The following DNAJB1 variants were observed in gnomAD, a reference collection of about 807,000 sequenced individuals.
DNAJB1 encodes the protein dnaJ homolog subfamily B member 1.
In DNAJB1, 14 loss-of-function variants were observed where a neutral mutation model predicts 24.0. That is an observed-to-expected ratio of 0.58 (90% confidence interval 0.39 to 0.91). DNAJB1 has a LOEUF of 0.91. Among genes scored for constraint, DNAJB1 ranks in the 40% least tolerant of loss-of-function variants. The pLI is 0.00. For missense variants in DNAJB1, 517 were observed against 458.1 expected, an observed-to-expected ratio of 1.13 and a Z score of -1.17; for synonymous variants, 262 against 174.4, an observed-to-expected ratio of 1.50 and a Z score of -3.96.
rs2072259659 is a variant in DNAJB1, at chr19:14,516,262, G to T, written c.793-92C>A. 4.9e-6 allele frequency: 7 copies of T among 1,440,492 alleles called. 1 individual carries two copies. The highest frequency in any genetic ancestry group is 4.5e-5 in the Admixed American group (2 of 44,192). 89.2% of individuals were successfully genotyped at this position (1,440,492 alleles called of 1,614,324 possible). A position where few individuals can be genotyped will look rare whatever the true frequency, so the allele number is the denominator to read the frequency against. On this transcript the variant is annotated intron_variant, in intron 2 of 2. Coordinates refer to ENST00000254322, the MANE Select transcript of DNAJB1 (RefSeq NM_006145.3). ...CGTCTGCCATAGATAAGACCCATCA[G>T]GCCTCTGCAGCTAAGACCTGGCCCC...
chr19:14,518,527 A>C, upstream of DNAJB1: 5 of 437,252 alleles, frequency 1.1e-5, no homozygotes, highest in Non-Finnish European at 1.8e-5. Flanking sequence ...TTTCAGCGAC[A>C]CGCGACATCC....
At chr19:14,552,923 C>A (rs1043829644), upstream of DNAJB1, among the ~76,000 whole-genome samples, 5 of 151,974 alleles carry the variant, frequency 3.3e-5, no homozygotes, top group Non-Finnish European at 5.9e-5. Flanking sequence ...ATAGATGTCA[C>A]GTCTGAATGA....
At chr19:14,558,677 G>T (rs984333293) in intron 1 of DNAJB1, among the ~76,000 whole-genome samples, 19 of 152,088 alleles carry the variant, frequency 1.2e-4, no homozygotes, top group African/African-American at 4.3e-4. Flanking sequence ...CTCACCCCTT[G>T]CCCGTGGCCA....
chr19:14,555,033 T>G (rs1341361891), upstream of DNAJB1, among the ~76,000 whole-genome samples: 2 of 151,812 alleles, frequency 1.3e-5, no homozygotes, highest in Non-Finnish European at 2.9e-5. Context: ...CACGTCCGCC[T>G]CCCAGAGTGC....
chr19:14,516,826 C>T lies in DNAJB1; in HGVS notation c.432G>A (p.Val144=). The T allele has an allele frequency of 6.2e-7, 1 of 1,613,846 alleles. No homozygotes were observed. Among genetic ancestry groups the T allele is most frequent in the Non-Finnish European group, 8.5e-7 (1 of 1,179,938 alleles). The change falls in exon 2 of 3, where the codon GTG becomes GTA. Residue 144 remains valine (V), a synonymous_variant. Coordinates refer to ENST00000254322, the MANE Select transcript of DNAJB1 (RefSeq NM_006145.3). Reference sequence around the variant, plus strand: ...GGGCAGAGCGGGAGCGGCCAAAGTTCACGTTGGTGAAGCCACCCATGCCCA... The same window carrying T: ...GGGCAGAGCGGGAGCGGCCAAAGTTTACGTTGGTGAAGCCACCCATGCCCA... The part of the protein sequence containing the change: ...FPMGMGGFTN[V]NFGRSRSAQE...
chr19:14,517,086 C>G (rs1568380442), intron 1 of DNAJB1, 40 bp from the exon 2 acceptor site: 1 of 1,558,916 alleles, frequency 6.4e-7, no homozygotes, highest in Middle Eastern at 1.7e-4. Flanking sequence ...GGCTGAACAG[C>G]AGACTCTCTC....
chr19:14,529,620 C>T (rs201564572), upstream of DNAJB1: 14 of 1,608,240 alleles, frequency 8.7e-6, no homozygotes, highest in African/African-American at 5.3e-5. Context: ...CGGTTGCGAG[C>T]GCTGTAGGGA....
At chr19:14,560,370 G>A (rs1358527401), upstream of DNAJB1, among the ~76,000 whole-genome samples, 3 of 152,188 alleles carry the variant, frequency 2.0e-5, no homozygotes, top group Non-Finnish European at 4.4e-5. Flanking sequence ...AGGCCACACG[G>A]GCTTGGAAGC....
upstream of DNAJB1, among the ~76,000 whole-genome samples, chr19:14,554,075 CTGG>C (rs2073634134): frequency 6.6e-6 from 1 of 152,224 alleles, no homozygotes; most frequent in African/African-American, 2.4e-5. Context: ...CAAGGGGGCC[CTGG>C]AGGCCCATGT....
chr19:14,518,994 A>G (rs1005939601), upstream of DNAJB1, among the ~76,000 whole-genome samples: 1 of 152,212 alleles, frequency 6.6e-6, no homozygotes, highest in African/African-American at 2.4e-5. Context: ...TCACTTCCTG[A>G]GGCCAAGACA....
chr19:14,532,283 C>T (rs58473066), upstream of DNAJB1: 5,316 of 152,090 alleles, frequency 0.035, 215 homozygotes, highest in African/African-American at 0.095. Context: ...TGGTGGCTCA[C>T]GCCTGTAATC....
At chr19:14,540,087 T>C (rs1036292210) in intron 1 of DNAJB1, among the ~76,000 whole-genome samples, 9 of 146,272 alleles carry the variant, frequency 6.2e-5, no homozygotes, top group Non-Finnish European at 1.3e-4. Context: ...TGAGACGGAG[T>C]CTCGCTCTGT....
Position 14,544,180 on chromosome 19 carries a change from A to G in DNAJB1, c.-214+6028T>C, listed in dbSNP as rs1599442482. On this transcript the variant is annotated intron_variant, in intron 1 of 3. Coordinates refer to the DNAJB1 transcript ENST00000676982. ...GGTCTTGGTCTGAATGTGACAAAAT[A>G]CCTCCGAGAAGCCTCTGCCCCTGAC... Among the ~76,000 whole-genome samples, 3 of 151,476 alleles carry G rather than the reference A, an allele frequency of 2.0e-5. No homozygotes were observed. The South Asian group carries it at 6.3e-4, about 32-fold the overall frequency.
Position 14,516,730 on chromosome 19 carries a change from G to A in DNAJB1, c.528C>T (p.Tyr176=), listed in dbSNP as rs1200082245. The part of the protein sequence containing the change: ...HDLRVSLEEI[Y]SGCTKKMKIS... The stretch of plus-strand genomic sequence containing the variant: ...TTTTCATCTTCTTGGTACAGCCGCT[G>A]TAGATCTCTTCAAGGGAGACTCGAA... Residue 176 remains tyrosine (Y), a synonymous_variant, in exon 2 of 3, where the codon TAC becomes TAT. Transcript: ENST00000254322. 3 of 1,614,142 alleles carry A rather than the reference G, an allele frequency of 1.9e-6. No homozygotes were observed. The highest frequency in any genetic ancestry group is 1.7e-5 in the Admixed American group (1 of 60,016).
intron 2 of DNAJB1, among the ~76,000 whole-genome samples, chr19:14,527,039 A>G (rs748758619): frequency 2.0e-5 from 3 of 152,002 alleles, no homozygotes; most frequent in Non-Finnish European, 2.9e-5. Context: ...TCCCATCTCT[A>G]CTAAAAAATT....
rs368973570 is a variant in DNAJB1 at position 14,516,757 on chromosome 19, G to A, written c.501C>T (p.Asp167=). 3.1e-6 allele frequency: 5 copies of A among 1,613,816 alleles called. No homozygotes were observed. The highest frequency in any genetic ancestry group is 3.4e-6 in the Non-Finnish European group (4 of 1,180,004). ...AGATCTCTTCAAGGGAGACTCGAAGGTCGTGGGTGACTGGGGGATCTTGCT... is the reference window on the plus strand; with the variant it reads ...AGATCTCTTCAAGGGAGACTCGAAGATCGTGGGTGACTGGGGGATCTTGCT... ...RKKQDPPVTH[D]LRVSLEEIYS... Residue 167 remains aspartate (D), a synonymous_variant, in exon 2 of 3, where the codon GAC becomes GAT. Transcript: ENST00000254322.
Position 14,516,000 on chromosome 19 carries a change from G to T in DNAJB1, c.963C>A (p.Ile321=), listed in dbSNP as rs774107902. 6.2e-7 allele frequency: 1 copy of T among 1,610,662 alleles called. No individual in the cohort carries two copies. Among genetic ancestry groups the T allele is most frequent in the South Asian group, 1.1e-5 (1 of 90,904 alleles). Residue 321 remains isoleucine, a synonymous_variant, in exon 3 of 3, where the codon ATC becomes ATA. Coordinates refer to ENST00000254322, the MANE Select transcript of DNAJB1 (RefSeq NM_006145.3). ...RGDLIIEFEV[I]FPERIPQTSR... Reference sequence around the variant, plus strand: ...ATGTCTGGGGAATCCTTTCGGGGAAGATCACTTCAAACTCAATAATGAGGT... The same window carrying T: ...ATGTCTGGGGAATCCTTTCGGGGAATATCACTTCAAACTCAATAATGAGGT...
At chr19:14,527,165 CTTTTTTTTTTTTTTTTTTTTTT>C (rs369143149) in intron 2 of DNAJB1, among the ~76,000 whole-genome samples, 4 of 41,310 alleles carry the variant, frequency 9.7e-5, no homozygotes, top group Admixed American at 4.0e-4. Context: ...AATATCTCTG[CTTTTTTTTTTTTTTTTTTTTTT>C]TTTTTTTTTT....
Position 14,525,958 on chromosome 19 carries a change from A to C in DNAJB1, c.-90+1768T>G, listed in dbSNP as rs147954455. Among the ~76,000 whole-genome samples, 877 of 152,228 alleles carry C rather than the reference A, an allele frequency of 5.8e-3. 15 individuals carry two copies. The highest frequency in any genetic ancestry group is 0.019 in the African/African-American group (804 of 41,534). ...TTCACCTCCCCTCACACACCCAGCG[A>C]GCCAGCTCATTCATACACAACCCAA... On this transcript the variant is annotated intron_variant, in intron 2 of 3. Coordinates refer to the DNAJB1 transcript ENST00000396969.
Sources: allele counts gnomAD v4.1 joint callset (sites outside exome capture counted in the v4.1 genomes callset), GRCh38; gene constraint gnomAD v4.1.1; transcripts MANE v1.5; gene names NCBI Gene and HGNC (gene_info 2026-07-23, HGNC 2026-07-21).